Variants in SNRPG observed in about 807,000 individuals in gnomAD.
SNRPG encodes the protein small nuclear ribonucleoprotein G.
A neutral mutation model predicts 13.9 loss-of-function variants in SNRPG; 3 were observed. The ratio of observed to expected loss-of-function variants is 0.22; its 90% CI spans 0.10 to 0.56. The LOEUF is 0.56. Among genes scored for constraint, SNRPG ranks in the 20% least tolerant of loss-of-function variants. The pLI is 0.93. For synonymous variants in SNRPG, 29 were observed against 29.3 expected (o/e 0.99, Z 0.03); for missense variants, 34 against 96.1 (o/e 0.35, Z 2.70).
At chr2:70,290,556 GA>G (rs550298936) in intron 1 of SNRPG, among the ~76,000 whole-genome samples, 5 of 151,588 alleles carry the variant, frequency 3.3e-5, no homozygotes, top group African/African-American at 7.3e-5. Flanking sequence ...ATAAAAAAAT[GA>G]AAAAAAGATG....
chr2:70,288,662 A>G (rs905260387), intron 2 of SNRPG, among the ~76,000 whole-genome samples: 3 of 152,202 alleles, frequency 2.0e-5, no homozygotes, highest in Non-Finnish European at 4.4e-5. Flanking sequence ...TTTCCCCTAC[A>G]TATATTTCAA....
At chr2:70,281,805 C>A in intron 3 of SNRPG, 121 bp from the exon 4 acceptor site, 1 of 580,942 alleles carries the variant, frequency 1.7e-6, no homozygotes, top group Non-Finnish European at 3.1e-6. Flanking sequence ...GTTTGCAAAG[C>A]TTTGTTCAAG....
At chr2:70,290,547 TA>T (rs1236342947) in intron 1 of SNRPG, among the ~76,000 whole-genome samples, 1 of 151,686 alleles carries the variant, frequency 6.6e-6, no homozygotes, top group African/African-American at 2.4e-5. Flanking sequence ...TTTTAAAATA[TA>T]AAAAAATGAA....
chr2:70,283,863 A>T (rs1696875535), intron 3 of SNRPG, among the ~76,000 whole-genome samples: 1 of 152,218 alleles, frequency 6.6e-6, no homozygotes. Context: ...GTTTGAGACC[A>T]GCCTGGGCAA....
chr2:70,283,111 A>AC (rs1559041525), intron 3 of SNRPG, among the ~76,000 whole-genome samples: 7 of 146,010 alleles, frequency 4.8e-5, no homozygotes, highest in East Asian at 2.0e-4. Flanking sequence ...AAAAAAAAAA[A>AC]AAAAAAAAAA....
At chr2:70,287,218 T>G (rs1167974673) in intron 3 of SNRPG, 4 of 671,842 alleles carry the variant, frequency 6.0e-6, no homozygotes, top group African/African-American at 1.8e-5. Flanking sequence ...TGCTCAAACT[T>G]AAAAATCAAG....
At chr2:70,287,278 T>A (rs1335977167) in intron 3 of SNRPG, 1 of 702,464 alleles carries the variant, frequency 1.4e-6, no homozygotes, top group South Asian at 1.5e-5. Context: ...TCCTTGGAGG[T>A]CTTTATGCTT....
chr2:70,286,713 A>G (rs374589966), intron 3 of SNRPG, among the ~76,000 whole-genome samples: 1 of 152,324 alleles, frequency 6.6e-6, no homozygotes, highest in Middle Eastern at 3.4e-3. Context: ...GGGATGCTCT[A>G]TTCCTTCTCT....
intron 3 of SNRPG, among the ~76,000 whole-genome samples, chr2:70,282,382 T>G (rs1696813981): frequency 6.6e-6 from 1 of 152,122 alleles, no homozygotes; most frequent in African/African-American, 2.4e-5. Flanking sequence ...GTGAAAGGCA[T>G]GCTTTATGAA....
chr2:70,285,220 A>G (rs1270603968), intron 3 of SNRPG, among the ~76,000 whole-genome samples: 1 of 152,228 alleles, frequency 6.6e-6, no homozygotes, highest in Non-Finnish European at 1.5e-5. Flanking sequence ...ATATGTTGAG[A>G]CTGCCAAGAT....
intron 3 of SNRPG, among the ~76,000 whole-genome samples, chr2:70,284,540 A>G (rs1387371471): frequency 6.6e-6 from 1 of 152,010 alleles, no homozygotes. Flanking sequence ...TGAGCCACCA[A>G]GCTGGGCTAA....
chr2:70,291,603 CAGA>C (rs1196345485), intron 1 of SNRPG, among the ~76,000 whole-genome samples: 12 of 152,132 alleles, frequency 7.9e-5, no homozygotes, highest in Non-Finnish European at 1.3e-4. Context: ...TATGCTACAC[CAGA>C]AGGAGGGCAT....
chr2:70,293,703 T>C lies in SNRPG; in HGVS notation c.-54A>G, dbSNP rs1574000727. ...CTTGGAACGCAACGCACGGCTTTCCTCACGCTCCCGCTGTAGGCCCGGCGT... is the reference window on the plus strand; with the variant it reads ...CTTGGAACGCAACGCACGGCTTTCCCCACGCTCCCGCTGTAGGCCCGGCGT... On this transcript the variant is annotated 5_prime_UTR_variant, in exon 1 of 4. Coordinates refer to ENST00000272348, the MANE Select transcript of SNRPG (RefSeq NM_003096.4). The C allele has an allele frequency of 5.8e-6, 9 of 1,563,652 alleles. No individual in the cohort carries two copies. In the South Asian group the frequency reaches 1.0e-4, roughly 17 times the overall value.
At chr2:70,291,616 T>A (rs916003116) in intron 1 of SNRPG, among the ~76,000 whole-genome samples, 22 of 152,096 alleles carry the variant, frequency 1.4e-4, no homozygotes, top group Non-Finnish European at 2.2e-4. Flanking sequence ...AAGGAGGGCA[T>A]AATGGTGTAA....
intron 3 of SNRPG, among the ~76,000 whole-genome samples, chr2:70,286,601 A>G (rs948578069): frequency 1.3e-5 from 2 of 152,270 alleles, no homozygotes; most frequent in Non-Finnish European, 2.9e-5. Flanking sequence ...CAACACACTA[A>G]GTAGGTAATC....
Position 70,290,556 on chromosome 2 carries a change from G to GA in SNRPG, c.33-1185dup, listed in dbSNP as rs550298936. Among the ~76,000 whole-genome samples, 20 of 151,704 alleles carry GA rather than the reference G, an allele frequency of 1.3e-4. No individual in the cohort carries two copies. In the East Asian group the frequency reaches 3.9e-3, roughly 29 times the overall value. ...TTCAAATTTTAAAATATAAAAAAATGAAAAAAAGATGTTTAGTATATGGGC... is the reference window on the plus strand; with the variant it reads ...TTCAAATTTTAAAATATAAAAAAATGAAAAAAAAGATGTTTAGTATATGGGC... On this transcript the variant is annotated intron_variant, in intron 1 of 3. Transcript: ENST00000272348.
At chr2:70,283,726 T>G (rs1277561670) in intron 3 of SNRPG, among the ~76,000 whole-genome samples, 4 of 152,286 alleles carry the variant, frequency 2.6e-5, no homozygotes, top group Non-Finnish European at 5.9e-5. Flanking sequence ...TGGCAGCCAA[T>G]TATCAGCAAT....
At chr2:70,286,690 GA>G (rs889458837) in intron 3 of SNRPG, among the ~76,000 whole-genome samples, 14 of 152,252 alleles carry the variant, frequency 9.2e-5, no homozygotes, top group African/African-American at 3.4e-4. Flanking sequence ...AGTTTAGGGG[GA>G]AAATTGCCAG....
rs57720967 is a variant in SNRPG, at chr2:70,290,823, TAAAAAAAAAAAAAAAAAA to T, written c.33-1469_33-1452del. The stretch of plus-strand genomic sequence containing the variant: ...CAACATGGAGAAAACCCGTCTCTAC[TAAAAAAAAAAAAAAAAAA>T]AAAAAAAAAAAAAAAAAAAATTAGT... On this transcript the variant is annotated intron_variant, in intron 1 of 3. Transcript: ENST00000272348. 7.9e-3 allele frequency among the ~76,000 whole-genome samples: 201 copies of T among 25,294 alleles called. 2 individuals are homozygous for T. Among genetic ancestry groups the T allele is most frequent in the African/African-American group, 8.8e-3 (46 of 5,200 alleles). The allele number at this position is 25,294 out of a possible 152,430, so 16.6% of individuals were successfully genotyped here.
Sources: gnomAD v4.1 joint callset for allele counts (sites outside exome capture counted in the v4.1 genomes callset) on GRCh38, gnomAD v4.1.1 for gene constraint, MANE v1.5 for transcripts, NCBI Gene and HGNC (gene_info 2026-07-23, HGNC 2026-07-21) for gene names.